The following ZNF561 variants were observed in gnomAD, a reference collection of about 807,000 sequenced individuals.
The protein encoded by ZNF561 is zinc finger protein 561.
ZNF561 carries 16 observed loss-of-function variants against 16.7 expected under a neutral mutation model. The observed-to-expected ratio is 0.96, with a 90% CI of 0.65 to 1.45. The LOEUF (loss-of-function observed/expected upper bound fraction) is 1.45, where lower values mean the gene tolerates loss of function less well. Ranked by LOEUF, ZNF561 falls within the 40% of genes most tolerant of loss-of-function variation. The pLI, the probability that ZNF561 is intolerant of heterozygous loss-of-function variation, is 0.00. For missense variants in ZNF561, 580 were observed against 578.0 expected (o/e 1.00, Z -0.04); for synonymous variants, 190 against 192.1 (o/e 0.99, Z 0.09).
chr19:9,616,589 AT>A (rs2074557993), intron 4 of ZNF561, among the ~76,000 whole-genome samples: 2 of 145,696 alleles, frequency 1.4e-5, no homozygotes, highest in South Asian at 4.3e-4. Context: ...CCTAGTCTTC[AT>A]TTTTAGGATT....
At chr19:9,614,289 G>T (rs2074514562) in intron 4 of ZNF561, 186 bp from the exon 5 acceptor site, 2 of 619,100 alleles carry the variant, frequency 3.2e-6, no homozygotes, top group Admixed American at 3.0e-5. Context: ...GATGTGTTTA[G>T]ATAGTTTATT....
At chr19:9,617,279 C>A in intron 3 of ZNF561, 108 bp from the exon 4 acceptor site, 3 of 1,427,776 alleles carry the variant, frequency 2.1e-6, no homozygotes, top group Non-Finnish European at 2.8e-6. Context: ...GTTGTCAGGT[C>A]TCCCATGATC....
At chr19:9,613,200 A>G (rs1246849879) in intron 5 of ZNF561, among the ~76,000 whole-genome samples, 1 of 152,240 alleles carries the variant, frequency 6.6e-6, no homozygotes, top group Non-Finnish European at 1.5e-5. Flanking sequence ...GATATGGAAT[A>G]TCATAAAATT....
chr19:9,618,060 C>A lies in ZNF561; in HGVS notation c.114+31G>T, dbSNP rs1339514568. 9.1e-6 allele frequency: 14 copies of A among 1,534,374 alleles called. No individual in the cohort carries two copies. The South Asian group carries it at 1.2e-4, about 13-fold the overall frequency. On this transcript the variant is annotated intron_variant, in intron 3 of 5. Transcript: ENST00000302851. ...GTCTACCTATTGGATGAAAGCATAT[C>A]ATTTTTAACAACAGTACGTTTTCTG...
chr19:9,617,703 G>A, intron 3 of ZNF561: 2 of 457,362 alleles, frequency 4.4e-6, no homozygotes, highest in Non-Finnish European at 8.8e-6. Context: ...CAGGCTAGGA[G>A]CTCTTCCTGT....
At chr19:9,612,931 G>T (rs762845677) in intron 5 of ZNF561, among the ~76,000 whole-genome samples, 1 of 152,100 alleles carries the variant, frequency 6.6e-6, no homozygotes, top group African/African-American at 2.4e-5. Context: ...AAGGAGCTTG[G>T]ATTACAGGTG....
intron 3 of ZNF561, 126 bp from the exon 4 acceptor site, chr19:9,617,297 G>C: frequency 7.3e-7 from 1 of 1,374,118 alleles, no homozygotes; most frequent in African/African-American, 1.5e-5. Context: ...ATCTACTCCA[G>C]GGTTTAATGT....
chr19:9,607,878 G>A lies in ZNF561; in HGVS notation c.*2322C>T, dbSNP rs2074377552. 6.6e-6 allele frequency: 1 copy of A among 151,996 alleles called. No individual in the cohort carries two copies. The highest frequency in any genetic ancestry group is 1.5e-5 in the Non-Finnish European group (1 of 68,002). 9.4% of individuals were successfully genotyped at this position (151,996 alleles called of 1,614,324 possible). ...CTGTATGTGAAAATAGGGTTTTTTAGTTTTGTTTTTGAGACAGAGTCTCGC... is the reference window on the plus strand; with the variant it reads ...CTGTATGTGAAAATAGGGTTTTTTAATTTTGTTTTTGAGACAGAGTCTCGC... On this transcript the variant is annotated 3_prime_UTR_variant, in exon 6 of 6. Transcript: ENST00000302851.
intron 4 of ZNF561, among the ~76,000 whole-genome samples, chr19:9,616,669 G>C (rs941006913): frequency 1.3e-5 from 2 of 151,230 alleles, no homozygotes; most frequent in Non-Finnish European, 2.9e-5. Context: ...TTGGCTCACT[G>C]CAAGATCCGC....
chr19:9,608,219 T>TAGGGGGAGGG lies in ZNF561; in HGVS notation c.*1971_*1980dup, dbSNP rs538295222. On this transcript the variant is annotated 3_prime_UTR_variant, in exon 6 of 6. Coordinates refer to ENST00000302851, the MANE Select transcript of ZNF561 (RefSeq NM_152289.3). ...TCGTGAAATGATGTCAAGAGATGGG[T>TAGGGGGAGGG]AGGGGGAGGGAGGGGGAGGGAGGGG... 1 of 108,642 alleles carries TAGGGGGAGGG rather than the reference T, an allele frequency of 9.2e-6. No individual in the cohort carries two copies. Among genetic ancestry groups the TAGGGGGAGGG allele is most frequent in the Non-Finnish European group, 1.9e-5 (1 of 53,432 alleles). The allele number at this position is 108,642 out of a possible 1,614,324, so 6.7% of individuals were successfully genotyped here.
At chr19:9,615,751 CAAAAA>C (rs1192652868) in intron 4 of ZNF561, among the ~76,000 whole-genome samples, 1 of 85,368 alleles carries the variant, frequency 1.2e-5, no homozygotes, top group Non-Finnish European at 2.5e-5. Flanking sequence ...ACTAAAAATA[CAAAAA>C]AAAAAAAAAA....
rs1463951267 is a variant in ZNF561, at chr19:9,610,227, T to A, written c.1434A>T (p.Glu478Asp). Residue 478 changes from glutamate to aspartate, a missense_variant, in exon 6 of 6, where the codon GAA (glutamate) becomes GAT (aspartate). Transcript: ENST00000302851. ...AAATGGTAACACTCATATCCTTGCA[T>A]TCATAGGGTTTCTCCCCAGTGTGAA... is the stretch of plus-strand genomic sequence containing the variant. ...ERIHTGEKPYECKDMSVTI is the reference protein window; with the variant it reads ...ERIHTGEKPYDCKDMSVTI 6.2e-7 allele frequency: 1 copy of A among 1,606,810 alleles called. No homozygotes were observed. Among genetic ancestry groups the A allele is most frequent in the African/African-American group, 1.3e-5 (1 of 74,794 alleles).
intron 5 of ZNF561, among the ~76,000 whole-genome samples, 193 bp from the exon 6 acceptor site, chr19:9,611,529 C>T (rs564793312): frequency 1.3e-3 from 191 of 152,216 alleles, no homozygotes; most frequent in African/African-American, 4.5e-3. Flanking sequence ...TAACGGCAAC[C>T]TCCACCTCCC....
At chr19:9,611,920 A>G (rs1472514009) in intron 5 of ZNF561, among the ~76,000 whole-genome samples, 1 of 151,816 alleles carries the variant, frequency 6.6e-6, no homozygotes, top group Non-Finnish European at 1.5e-5. Flanking sequence ...CCAATCTTTC[A>G]GTTTGTTTGT....
intron 3 of ZNF561, chr19:9,617,520 GTTTA>G (rs953253483): frequency 1.5e-5 from 5 of 333,060 alleles, no homozygotes; most frequent in African/African-American, 8.5e-5. Context: ...TATCTAATCT[GTTTA>G]TTTATTTATA....
Position 9,610,357 on chromosome 19 carries a change from C to A in ZNF561, c.1304G>T (p.Arg435Leu), listed in dbSNP as rs146973589. The A allele has an allele frequency of 6.2e-7, 1 of 1,614,138 alleles. No homozygotes were observed. Among genetic ancestry groups the A allele is most frequent in the Non-Finnish European group, 8.5e-7 (1 of 1,180,016 alleles). Residue 435 changes from arginine (R) to leucine (L), a missense_variant, in exon 6 of 6, where the codon CGC (arginine) becomes CTC (leucine). By Grantham distance (102) the Arg-to-Leu change is moderately radical (BLOSUM62 -2). Coordinates refer to ENST00000302851, the MANE Select transcript of ZNF561 (RefSeq NM_152289.3). Reference protein sequence around the residue: ...ICGKAFLYSSRLNVHLRTHTG... With the variant: ...ICGKAFLYSSLLNVHLRTHTG... ...ATGAGTTCGCAGGTGAACATTAAGG[C>A]GTGAGGAATATAGAAATGCTTTCCC... is the stretch of plus-strand genomic sequence containing the variant.
chr19:9,615,154 T>C (rs1050846164), intron 4 of ZNF561, among the ~76,000 whole-genome samples: 1 of 151,998 alleles, frequency 6.6e-6, no homozygotes, highest in African/African-American at 2.4e-5. Context: ...GATATATTTC[T>C]AATACAAGCA....
At position 9,614,176 on chromosome 19, in the gene ZNF561, T is replaced by C; in HGVS notation, c.242-73A>G. ...TCATTTAAAATGAGTCATTTTTACT[T>C]GTTTTCAAATTAAACACAGCAATAA... On this transcript the variant is annotated intron_variant, in intron 4 of 5. Coordinates refer to ENST00000302851, the MANE Select transcript of ZNF561 (RefSeq NM_152289.3). 22 of 1,555,858 alleles carry C rather than the reference T, an allele frequency of 1.4e-5. No individual in the cohort carries two copies. The South Asian group carries it at 2.5e-4, about 18-fold the overall frequency.
Position 9,609,687 on chromosome 19 carries a change from G to T in ZNF561, c.*513C>A, listed in dbSNP as rs1178971961. ...ACAGGCAAGGCTGTCACACTTCTTA[G>T]ATTTTACAAGGGGACACAGAAATAA... On this transcript the variant is annotated 3_prime_UTR_variant, in exon 6 of 6. Coordinates refer to ENST00000302851, the MANE Select transcript of ZNF561 (RefSeq NM_152289.3). 1 of 154,042 alleles carries T rather than the reference G, an allele frequency of 6.5e-6. No individual in the cohort carries two copies. Among genetic ancestry groups the T allele is most frequent in the African/African-American group, 2.4e-5 (1 of 41,464 alleles). The allele number at this position is 154,042 out of a possible 1,614,324, so 9.5% of individuals were successfully genotyped here.
Sources: gnomAD v4.1 joint callset for allele counts (sites outside exome capture counted in the v4.1 genomes callset) on GRCh38, gnomAD v4.1.1 for gene constraint, MANE v1.5 for transcripts, NCBI Gene and HGNC (gene_info 2026-07-23, HGNC 2026-07-21) for gene names.